The following SUCLG2 variants were observed in gnomAD, a reference collection of about 807,000 sequenced individuals.
SUCLG2 encodes the protein succinate-CoA ligase GDP-forming subunit beta.
A neutral mutation model predicts 47.9 loss-of-function variants in SUCLG2; 42 were observed. The ratio of observed to expected loss-of-function variants is 0.88; its 90% CI spans 0.69 to 1.14. SUCLG2 has a LOEUF of 1.14. Ranked by LOEUF, SUCLG2 falls within the 50% of genes most tolerant of loss-of-function variation. SUCLG2 has a pLI of 0.00. For synonymous variants in SUCLG2, 195 were observed against 197.3 expected (o/e 0.99, Z 0.10); for missense variants, 571 against 525.9 (o/e 1.09, Z -0.84).
At chr3:67,397,847 G>T (rs1702583738) in intron 10 of SUCLG2, among the ~76,000 whole-genome samples, 1 of 151,896 alleles carries the variant, frequency 6.6e-6, no homozygotes, top group East Asian at 1.9e-4. Flanking sequence ...ACAGAACAGA[G>T]CCCTCAGAAA....
intron 10 of SUCLG2, among the ~76,000 whole-genome samples, chr3:67,362,636 G>A (rs1401620412): frequency 6.6e-6 from 1 of 152,100 alleles, no homozygotes; most frequent in Non-Finnish European, 1.5e-5. Context: ...ATAATATAGT[G>A]TATTAGGTAC....
intron 10 of SUCLG2, among the ~76,000 whole-genome samples, chr3:67,398,912 A>G (rs1037815849): frequency 5.3e-5 from 8 of 151,580 alleles, no homozygotes; most frequent in African/African-American, 1.9e-4. Context: ...TCAGTAAACT[A>G]TCGCAAGGAC....
intron 9 of SUCLG2, among the ~76,000 whole-genome samples, chr3:67,448,031 GA>G (rs947142199): frequency 3.3e-5 from 5 of 152,118 alleles, no homozygotes; most frequent in Admixed American, 3.3e-4. Context: ...ACCCGGCTGA[GA>G]AAATCTGTTT....
At chr3:67,567,726 T>C (rs1357460456) in intron 2 of SUCLG2, among the ~76,000 whole-genome samples, 2 of 152,200 alleles carry the variant, frequency 1.3e-5, no homozygotes, top group African/African-American at 4.8e-5. Context: ...GACCCTAAAA[T>C]TGATTTTTCC....
intron 10 of SUCLG2, among the ~76,000 whole-genome samples, chr3:67,394,494 C>G (rs933419585): frequency 6.7e-6 from 1 of 149,696 alleles, no homozygotes; most frequent in African/African-American, 2.5e-5. Context: ...AAGAAATGAA[C>G]AAAGCCTCCA....
Position 67,483,555 on chromosome 3 carries a change from T to C in SUCLG2, c.1062+12243A>G, listed in dbSNP as rs575245624. Among the ~76,000 whole-genome samples the C allele has an allele frequency of 2.6e-5, 4 of 152,356 alleles. 1 individual carries two copies. The highest frequency in any genetic ancestry group is 7.2e-5 in the African/African-American group (3 of 41,576). On this transcript the variant is annotated intron_variant, in intron 9 of 10. Coordinates refer to ENST00000307227, the MANE Select transcript of SUCLG2 (RefSeq NM_003848.4). ...TGCATAATTTTCTTTTACTAGTTAC[T>C]CACCAGTGTAAACGATTTTCTATCC...
At chr3:67,450,935 T>C (rs1281160950) in intron 9 of SUCLG2, among the ~76,000 whole-genome samples, 1 of 152,220 alleles carries the variant, frequency 6.6e-6, no homozygotes, top group Non-Finnish European at 1.5e-5. Flanking sequence ...TTTGGCCTCA[T>C]GGTATGTCCA....
intron 2 of SUCLG2, among the ~76,000 whole-genome samples, chr3:67,534,768 C>CAAAAAAAAAAAAAAAAAAAAAA (rs60612549): frequency 5.7e-5 from 2 of 34,932 alleles, no homozygotes; most frequent in African/African-American, 1.8e-4. Flanking sequence ...ACACTGATGG[C>CAAAAAAAAAAAAAAAAAAAAAA]AAAAAAAAAA....
At chr3:67,397,146 C>A (rs1702550461) in intron 10 of SUCLG2, among the ~76,000 whole-genome samples, 1 of 151,724 alleles carries the variant, frequency 6.6e-6, no homozygotes, top group African/African-American at 2.4e-5. Flanking sequence ...CACTCCTATT[C>A]AACATAGTGT....
At chr3:67,425,755 A>C (rs1158743341) in intron 9 of SUCLG2, among the ~76,000 whole-genome samples, 1 of 152,192 alleles carries the variant, frequency 6.6e-6, no homozygotes, top group African/African-American at 2.4e-5. Context: ...ATGAGCCAAT[A>C]CCTTATAATA....
At chr3:67,543,394 C>T (rs1706769879) in intron 2 of SUCLG2, among the ~76,000 whole-genome samples, 2 of 152,108 alleles carry the variant, frequency 1.3e-5, no homozygotes, top group African/African-American at 2.4e-5. Flanking sequence ...CTGTAAGCCA[C>T]TTTGTGAGGC....
At chr3:67,644,490 G>C (rs1701157619) in intron 1 of SUCLG2, among the ~76,000 whole-genome samples, 1 of 152,060 alleles carries the variant, frequency 6.6e-6, no homozygotes, top group Admixed American at 6.5e-5. Flanking sequence ...AGGGGAGATG[G>C]GGGAGTTAGC....
intron 6 of SUCLG2, 132 bp downstream of exon 6, chr3:67,518,115 G>T: frequency 1.3e-6 from 1 of 756,012 alleles, no homozygotes. Flanking sequence ...ATCATAAACA[G>T]CTGGAGGAAA....
chr3:67,451,517 G>C (rs1259977552), intron 9 of SUCLG2, among the ~76,000 whole-genome samples: 1 of 152,076 alleles, frequency 6.6e-6, no homozygotes, highest in Non-Finnish European at 1.5e-5. Context: ...TTTAGGCTAG[G>C]TACAGGCAAA....
chr3:67,516,296 C>T (rs2107118077), intron 6 of SUCLG2, among the ~76,000 whole-genome samples: 1 of 152,278 alleles, frequency 6.6e-6, no homozygotes, highest in East Asian at 1.9e-4. Flanking sequence ...TATTCGTCTT[C>T]CTTCCATAGG....
chr3:67,634,924 T>C (rs2107358260), intron 1 of SUCLG2, among the ~76,000 whole-genome samples: 2 of 152,338 alleles, frequency 1.3e-5, no homozygotes, highest in South Asian at 2.1e-4. Context: ...TACTACTTAA[T>C]AGCTGTGCAT....
intron 9 of SUCLG2, among the ~76,000 whole-genome samples, chr3:67,480,555 G>A (rs1704886505): frequency 6.6e-6 from 1 of 152,180 alleles, no homozygotes; most frequent in Admixed American, 6.5e-5. Flanking sequence ...TAGCATGGCA[G>A]GAGCTTTGCT....
chr3:67,448,827 G>GTT (rs958991859), intron 9 of SUCLG2, among the ~76,000 whole-genome samples: 1 of 151,024 alleles, frequency 6.6e-6, no homozygotes, highest in African/African-American at 2.4e-5. Context: ...TGTAAAAAAG[G>GTT]TTTTTTTTTC....
intron 2 of SUCLG2, among the ~76,000 whole-genome samples, chr3:67,592,993 C>T (rs970141062): frequency 6.6e-6 from 1 of 152,132 alleles, no homozygotes; most frequent in African/African-American, 2.4e-5. Context: ...GCCTAGGTAG[C>T]CAATGAAGGC....
Sources: allele counts gnomAD v4.1 joint callset (sites outside exome capture counted in the v4.1 genomes callset), GRCh38; gene constraint gnomAD v4.1.1; transcripts MANE v1.5; gene names NCBI Gene and HGNC (gene_info 2026-07-23, HGNC 2026-07-21).